The following TARBP1 variants were observed in gnomAD, a reference collection of about 807,000 sequenced individuals.
TARBP1 encodes tRNA (guanosine(18)-2'-O)-methyltransferase TARBP1.
TARBP1 carries 144 observed loss-of-function variants against 178.6 expected under a neutral mutation model. The observed-to-expected ratio is 0.81, with a 90% CI of 0.70 to 0.93. The LOEUF (loss-of-function observed/expected upper bound fraction) is 0.93. TARBP1 is among the 40% of genes least tolerant of loss of function. The pLI, the probability that TARBP1 is intolerant of heterozygous loss-of-function variation, is 0.00. For missense variants in TARBP1, 2,067 were observed against 2,011.7 expected (o/e 1.03, Z -0.53); for synonymous variants, 787 against 781.0 (o/e 1.01, Z -0.13).
At chr1:234,427,477 T>C (rs1663906544) in intron 18 of TARBP1, 89 bp from the exon 19 acceptor site, 8 of 1,442,524 alleles carry the variant, frequency 5.5e-6, no homozygotes, top group Non-Finnish European at 7.5e-6. Flanking sequence ...TAATAATTTA[T>C]ATTCTTTTAA....
intron 7 of TARBP1, among the ~76,000 whole-genome samples, chr1:234,459,827 T>C (rs982318296): frequency 2.0e-5 from 3 of 151,904 alleles, no homozygotes; most frequent in Non-Finnish European, 2.9e-5. Context: ...AAAAAAACTA[T>C]AAATGAAGAT....
chr1:234,444,571 C>T (rs1665955601), intron 12 of TARBP1, among the ~76,000 whole-genome samples: 1 of 152,094 alleles, frequency 6.6e-6, no homozygotes, highest in Admixed American at 6.6e-5. Context: ...GCTCAGCAAG[C>T]CCAGCAATCC....
At chr1:234,432,122 G>A (rs1356659966) in intron 14 of TARBP1, among the ~76,000 whole-genome samples, 2 of 123,834 alleles carry the variant, frequency 1.6e-5, no homozygotes, top group Admixed American at 9.3e-5. Flanking sequence ...GCAAAAGAGC[G>A]AAACTCCGTC....
chr1:234,415,018 A>AC (rs398103820), intron 22 of TARBP1, among the ~76,000 whole-genome samples: 5 of 152,002 alleles, frequency 3.3e-5, no homozygotes, highest in Non-Finnish European at 7.4e-5. Context: ...TTAAAAAAAA[A>AC]CTAAACCTCT....
At position 234,452,618 on chromosome 1, in the gene TARBP1, G is replaced by A. The variant is rs888321034; in HGVS notation, c.1723-2052C>T. The stretch of plus-strand genomic sequence containing the variant: ...AAGAACTCTCATTCTTTGCTGGTAG[G>A]AATGCAAAATAGTATGGTTCGAAAG... On this transcript the variant is annotated intron_variant, in intron 9 of 29. Coordinates refer to ENST00000040877, the MANE Select transcript of TARBP1 (RefSeq NM_005646.4). Among the ~76,000 whole-genome samples the A allele has an allele frequency of 5.9e-5, 9 of 152,272 alleles. No homozygotes were observed. In the East Asian group the frequency reaches 9.7e-4, roughly 16 times the overall value.
chr1:234,420,685 T>C lies in TARBP1; in HGVS notation c.3555+17A>G. 1 of 1,535,010 alleles carries C rather than the reference T, an allele frequency of 6.5e-7. No homozygotes were observed. Among genetic ancestry groups the C allele is most frequent in the Non-Finnish European group, 8.9e-7 (1 of 1,118,516 alleles). On this transcript the variant is annotated intron_variant, in intron 21 of 29. Coordinates refer to ENST00000040877, the MANE Select transcript of TARBP1 (RefSeq NM_005646.4). Reference sequence around the variant, plus strand: ...ATCATATGCTTCAAAGGTACAAATATAATAAAAATATGATACCTGGTCAAG... The same window carrying C: ...ATCATATGCTTCAAAGGTACAAATACAATAAAAATATGATACCTGGTCAAG...
intron 6 of TARBP1, among the ~76,000 whole-genome samples, chr1:234,461,575 G>A (rs936632127): frequency 1.3e-5 from 2 of 152,170 alleles, no homozygotes; most frequent in African/African-American, 4.8e-5. Flanking sequence ...CCAAAGTGCT[G>A]AGACTACAGG....
Position 234,479,130 on chromosome 1 carries a change from G to C in TARBP1, c.-27C>G, listed in dbSNP as rs758592536. ...TGCCGAGCGCCCGCGCCACCGGCCC[G>C]GGCTCCCAAAGGAAGGCGCCGGCGT... On this transcript the variant is annotated 5_prime_UTR_variant, in exon 1 of 30. Coordinates refer to ENST00000040877, the MANE Select transcript of TARBP1 (RefSeq NM_005646.4). 4.0e-6 allele frequency: 6 copies of C among 1,508,494 alleles called. No individual in the cohort carries two copies. Among genetic ancestry groups the C allele is most frequent in the Non-Finnish European group, 5.3e-6 (6 of 1,142,110 alleles). The allele number at this position is 1,508,494 out of a possible 1,614,324, so 93.4% of individuals were successfully genotyped here. A position where few individuals can be genotyped will look rare whatever the true frequency, so the allele number is the denominator to read the frequency against.
At chr1:234,442,841 T>A (rs1665729392) in intron 12 of TARBP1, among the ~76,000 whole-genome samples, 1 of 152,102 alleles carries the variant, frequency 6.6e-6, no homozygotes, top group Non-Finnish European at 1.5e-5. Context: ...TATCCAATAT[T>A]ATCATCCCTA....
intron 6 of TARBP1, among the ~76,000 whole-genome samples, chr1:234,462,310 T>A (rs1350250598): frequency 6.6e-6 from 1 of 152,202 alleles, no homozygotes; most frequent in African/African-American, 2.4e-5. Context: ...GCTACTGACA[T>A]GTAAGGCAGC....
chr1:234,417,334 G>T (rs1433601913), intron 22 of TARBP1, among the ~76,000 whole-genome samples: 1 of 150,738 alleles, frequency 6.6e-6, no homozygotes, highest in African/African-American at 2.5e-5. Flanking sequence ...GGTCACAGGG[G>T]ATAGATGTGA....
intron 22 of TARBP1, among the ~76,000 whole-genome samples, chr1:234,413,970 G>C (rs2103075217): frequency 6.6e-6 from 1 of 152,312 alleles, no homozygotes; most frequent in South Asian, 2.1e-4. Flanking sequence ...GTATTCACTA[G>C]AGTAGGAAGC....
intron 29 of TARBP1, 44 bp from the exon 30 acceptor site, chr1:234,391,789 C>A (rs1659393175): frequency 6.4e-7 from 1 of 1,566,522 alleles, no homozygotes; most frequent in Non-Finnish European, 8.7e-7. Flanking sequence ...CTGTAACAAA[C>A]AATTTTTCTC....
At chr1:234,406,189 C>G in intron 23 of TARBP1, 90 bp from the exon 24 acceptor site, 2 of 1,188,726 alleles carry the variant, frequency 1.7e-6, no homozygotes, top group Non-Finnish European at 2.4e-6. Flanking sequence ...ACGAATGATA[C>G]AACTGCTCCT....
chr1:234,478,649 C>T lies in TARBP1; in HGVS notation c.455G>A (p.Arg152Gln). ...CAGTAGCGGCCCGTCCTCGCGGGGCCGCAAACATGGCCCGACGGCTGCTAG... is the reference window on the plus strand; with the variant it reads ...CAGTAGCGGCCCGTCCTCGCGGGGCTGCAAACATGGCCCGACGGCTGCTAG... ...EVLAAVGPCL[R>Q]PREDGPLLER... The change falls in exon 1 of 30, where the codon CGG (arginine) becomes CAG (glutamine). Residue 152 changes from arginine to glutamine, a missense_variant. Coordinates refer to ENST00000040877, the MANE Select transcript of TARBP1 (RefSeq NM_005646.4). The T allele has an allele frequency of 7.8e-7, 1 of 1,277,718 alleles. No individual in the cohort carries two copies. The highest frequency in any genetic ancestry group is 9.9e-7 in the Non-Finnish European group (1 of 1,013,512). 79.1% of individuals were successfully genotyped at this position (1,277,718 alleles called of 1,614,324 possible). A position where few individuals can be genotyped will look rare whatever the true frequency, so the allele number is the denominator to read the frequency against.
chr1:234,393,522 C>A, intron 27 of TARBP1, 36 bp from the exon 28 acceptor site: 1 of 1,569,682 alleles, frequency 6.4e-7, no homozygotes, highest in South Asian at 1.2e-5. Flanking sequence ...AGATTGTTCC[C>A]AGCACAATGC....
In TARBP1 at chr1:234,448,596, T is replaced by G. The variant is rs1223293577; in HGVS notation, c.1862-17A>C. On this transcript the variant is annotated splice_polypyrimidine_tract_variant and intron_variant, in intron 10 of 29. Coordinates refer to ENST00000040877, the MANE Select transcript of TARBP1 (RefSeq NM_005646.4). ...TTTCTCCTGCTTAAATAACAACAGTTAAGGTTTGCAAAGCATTAACAAAAT... is the reference window on the plus strand; with the variant it reads ...TTTCTCCTGCTTAAATAACAACAGTGAAGGTTTGCAAAGCATTAACAAAAT... 6.2e-7 allele frequency: 1 copy of G among 1,606,262 alleles called. No homozygotes were observed. The highest frequency in any genetic ancestry group is 8.5e-7 in the Non-Finnish European group (1 of 1,173,724).
intron 8 of TARBP1, among the ~76,000 whole-genome samples, chr1:234,458,300 T>A (rs1019770570): frequency 2.6e-5 from 4 of 151,982 alleles, no homozygotes. Context: ...GCCAAGATCG[T>A]GCCATTGCAC....
intron 24 of TARBP1, 45 bp from the exon 25 acceptor site, chr1:234,401,307 C>T (rs1276811344): frequency 2.8e-6 from 4 of 1,446,052 alleles, no homozygotes; most frequent in Non-Finnish European, 1.9e-6. Flanking sequence ...AATGAAACAA[C>T]TCTGGTGAGG....
Sources: allele counts gnomAD v4.1 joint callset (sites outside exome capture counted in the v4.1 genomes callset), GRCh38; gene constraint gnomAD v4.1.1; transcripts MANE v1.5; gene names NCBI Gene and HGNC (gene_info 2026-07-23, HGNC 2026-07-21).